DNAI4: variants seen among roughly 807,000 people sequenced by gnomAD.
The protein encoded by DNAI4 is WD repeat domain 78.
A neutral mutation model predicts 105.8 loss-of-function variants in DNAI4; 85 were observed. The observed-to-expected ratio is 0.80, with a 90% CI of 0.67 to 0.96. DNAI4 has a LOEUF of 0.96. DNAI4 is among the 40% of genes least tolerant of loss of function. The probability of loss-of-function intolerance (pLI) is 0.00; values close to 1 mark genes in which losing one functional copy is unlikely to be tolerated. For synonymous variants in DNAI4, 352 were observed against 331.5 expected, an observed-to-expected ratio of 1.06 and a Z score of -0.67; for missense variants, 1,014 against 1,005.6, an observed-to-expected ratio of 1.01 and a Z score of -0.11.
chr1:66,873,852 CTTTTTT>C (rs749140367), intron 5 of DNAI4, among the ~76,000 whole-genome samples: 15 of 110,220 alleles, frequency 1.4e-4, no homozygotes, highest in African/African-American at 5.4e-4. Context: ...TCCCTCTTTC[CTTTTTT>C]TTTTTTTTTT....
chr1:66,890,992 T>TA lies in DNAI4; in HGVS notation c.643+161dup. 3.1e-6 allele frequency: 2 copies of TA among 645,690 alleles called. No homozygotes were observed. Among genetic ancestry groups the TA allele is most frequent in the Non-Finnish European group, 2.7e-6 (1 of 367,704 alleles). 40.0% of individuals were successfully genotyped at this position (645,690 alleles called of 1,614,324 possible). ...ATTCAAAACAGTCACCCAGGGAACT[T>TA]AAAAAAATAGATATTCCCCTGGTAA... On this transcript the variant is annotated intron_variant, in intron 4 of 16. Transcript: ENST00000371026. The surrounding 1 kb of genome is among the most constrained non-coding windows in gnomAD (Gnocchi z 4.1).
chr1:66,915,949 C>T (rs1430405797), intron 1 of DNAI4, among the ~76,000 whole-genome samples: 5 of 151,982 alleles, frequency 3.3e-5, no homozygotes, highest in African/African-American at 1.2e-4. Context: ...TGGCGAAGCC[C>T]CATCTCTACT....
At chr1:66,882,074 C>T (rs1026273604) in intron 4 of DNAI4, among the ~76,000 whole-genome samples, 22 of 152,190 alleles carry the variant, frequency 1.4e-4, no homozygotes, top group Non-Finnish European at 2.8e-4. Context: ...GAGGCCTCCC[C>T]AGCCATGTGA....
chr1:66,924,695 G>A lies in DNAI4; in HGVS notation c.137C>T (p.Pro46Leu). 1 of 1,614,250 alleles carries A rather than the reference G, an allele frequency of 6.2e-7. No individual in the cohort carries two copies. The highest frequency in any genetic ancestry group is 8.5e-7 in the Non-Finnish European group (1 of 1,180,046). ...GTTCTGCTGCTTGTGACTGCCTGCC[G>A]GAGAGACTGGCATGGTGGCGACCAG... ...PQLVATMPVS[P>L]AGSHKQQNFG... Residue 46 changes from proline to leucine, a missense_variant, in exon 1 of 17, where the codon CCG becomes CTG. Pro to Leu is a moderately conservative substitution (Grantham distance 98). Coordinates refer to ENST00000371026, the MANE Select transcript of DNAI4 (RefSeq NM_024763.5).
chr1:66,866,413 T>C (rs1646735700), intron 6 of DNAI4, among the ~76,000 whole-genome samples: 1 of 152,176 alleles, frequency 6.6e-6, no homozygotes, highest in Non-Finnish European at 1.5e-5. Context: ...AGAGATTGTA[T>C]AATGTTAGCA....
chr1:66,815,439 A>G (rs1293822179), intron 16 of DNAI4, among the ~76,000 whole-genome samples: 2 of 152,214 alleles, frequency 1.3e-5, no homozygotes, highest in African/African-American at 2.4e-5. Flanking sequence ...AGTGTCTATC[A>G]GCATTAATTT....
chr1:66,860,306 T>C (rs959570144), intron 7 of DNAI4, among the ~76,000 whole-genome samples: 2 of 152,092 alleles, frequency 1.3e-5, no homozygotes, highest in African/African-American at 4.8e-5. Flanking sequence ...ACTTGTATAA[T>C]ACATTCAAAG....
At chr1:66,858,765 A>G (rs1646560673) in intron 7 of DNAI4, among the ~76,000 whole-genome samples, 1 of 152,294 alleles carries the variant, frequency 6.6e-6, no homozygotes, top group Non-Finnish European at 1.5e-5. Flanking sequence ...CACATTCATG[A>G]TAAAAACTCC....
Position 66,865,298 on chromosome 1 carries a change from C to T in DNAI4, c.941-2996G>A, listed in dbSNP as rs150696101. Among the ~76,000 whole-genome samples, 1,438 of 152,092 alleles carry T rather than the reference C, an allele frequency of 9.5e-3. 15 individuals are homozygous for T. Among genetic ancestry groups the T allele is most frequent in the African/African-American group, 0.033 (1,364 of 41,470 alleles). On this transcript the variant is annotated intron_variant, in intron 6 of 16. Transcript: ENST00000371026. The stretch of plus-strand genomic sequence containing the variant: ...AATTAGCCCAGCATGGTGGCATGTG[C>T]CTGTAATCGCAGCTACTTGGGAGGC...
At chr1:66,893,872 AT>A (rs1648077836) in intron 2 of DNAI4, among the ~76,000 whole-genome samples, 1 of 152,210 alleles carries the variant, frequency 6.6e-6, no homozygotes, top group Admixed American at 6.5e-5. Context: ...GTACCATAAC[AT>A]TATAACAGAA....
At chr1:66,857,850 T>A (rs1356128279) in intron 7 of DNAI4, among the ~76,000 whole-genome samples, 1 of 151,804 alleles carries the variant, frequency 6.6e-6, no homozygotes, top group Non-Finnish European at 1.5e-5. Context: ...CTTCCCAAAG[T>A]GCTGGGATTA....
chr1:66,924,471 CCAGTA>C (rs1650968794), intron 1 of DNAI4, among the ~76,000 whole-genome samples, 186 bp downstream of exon 1: 1 of 152,204 alleles, frequency 6.6e-6, no homozygotes, highest in Non-Finnish European at 1.5e-5. Flanking sequence ...CGCGCCCAGC[CCAGTA>C]GAGATTCTTT....
At chr1:66,923,746 G>A (rs1455659776) in intron 1 of DNAI4, among the ~76,000 whole-genome samples, 29 of 152,162 alleles carry the variant, frequency 1.9e-4, no homozygotes, top group East Asian at 3.9e-4. Context: ...AAGTTCCGCT[G>A]AAGAAAGATT....
intron 1 of DNAI4, among the ~76,000 whole-genome samples, chr1:66,916,751 T>C (rs1650100072): frequency 6.6e-6 from 1 of 152,202 alleles, no homozygotes. Flanking sequence ...GGAAGCTGTA[T>C]TGCTTTATGT....
intron 3 of DNAI4, among the ~76,000 whole-genome samples, chr1:66,892,229 C>T (rs1647717399): frequency 6.6e-6 from 1 of 152,150 alleles, no homozygotes; most frequent in Non-Finnish European, 1.5e-5. Flanking sequence ...GGAATATCCT[C>T]CTTTACCAGG....
intron 16 of DNAI4, among the ~76,000 whole-genome samples, chr1:66,821,797 T>C (rs1206948447): frequency 6.6e-6 from 1 of 152,076 alleles, no homozygotes; most frequent in Admixed American, 6.5e-5. Flanking sequence ...ATAATAACAA[T>C]CTAAACATAA....
At chr1:66,893,914 C>T (rs1282639606) in intron 2 of DNAI4, among the ~76,000 whole-genome samples, 1 of 152,136 alleles carries the variant, frequency 6.6e-6, no homozygotes, top group Non-Finnish European at 1.5e-5. Flanking sequence ...AGTGACATCA[C>T]AGTCATCATA....
chr1:66,826,793 A>G (rs1429220754), intron 15 of DNAI4, 27 bp downstream of exon 15: 1 of 1,607,828 alleles, frequency 6.2e-7, no homozygotes, highest in Non-Finnish European at 8.5e-7. Context: ...TTCTACTAAA[A>G]TTTATGCAAG....
At chr1:66,904,501 C>G (rs556794802) in intron 2 of DNAI4, among the ~76,000 whole-genome samples, 1 of 152,044 alleles carries the variant, frequency 6.6e-6, no homozygotes, top group Non-Finnish European at 1.5e-5. Context: ...AGTGTTAGCT[C>G]AAGTATTTTG....
Sources: gnomAD v4.1 joint callset for allele counts (sites outside exome capture counted in the v4.1 genomes callset) on GRCh38, gnomAD v4.1.1 for gene constraint, Gnocchi (gnomAD v3.1) non-coding constraint, MANE v1.5 for transcripts, NCBI Gene and HGNC (gene_info 2026-07-23, HGNC 2026-07-21) for gene names.